Variants in PARD3 observed in about 807,000 individuals in gnomAD.
PARD3 encodes par-3 family cell polarity regulator, also known as partitioning defective 3 homolog.
PARD3 carries 75 observed loss-of-function variants against 155.4 expected under a neutral mutation model. The observed-to-expected ratio is 0.48, with a 90% CI of 0.40 to 0.58. The LOEUF (loss-of-function observed/expected upper bound fraction) is 0.58, where lower values mean the gene tolerates loss of function less well. PARD3 is among the 20% of genes least tolerant of loss of function. The probability of loss-of-function intolerance (pLI) is 0.00; values close to 1 mark genes in which losing one functional copy is unlikely to be tolerated. For synonymous variants in PARD3, 576 were observed against 610.5 expected (o/e 0.94, Z 0.83); for missense variants, 1,642 against 1,721.7 (o/e 0.95, Z 0.82).
chr10:34,613,861 T>A (rs1182048075), intron 2 of PARD3, among the ~76,000 whole-genome samples: 2 of 152,226 alleles, frequency 1.3e-5, no homozygotes, highest in Admixed American at 6.5e-5. Context: ...ATTTTTAAAC[T>A]TGCTTTTTAA....
intron 12 of PARD3, among the ~76,000 whole-genome samples, chr10:34,367,355 C>A (rs1474977275): frequency 6.6e-6 from 1 of 152,152 alleles, no homozygotes; most frequent in African/African-American, 2.4e-5. Context: ...ATTGGGACAA[C>A]TGATAATACA....
intron 22 of PARD3, among the ~76,000 whole-genome samples, chr10:34,236,365 G>C (rs548656681): frequency 6.6e-6 from 1 of 152,082 alleles, no homozygotes; most frequent in African/African-American, 2.4e-5. Context: ...AGGGCTGCCT[G>C]ACCGGGACTA....
intron 1 of PARD3, among the ~76,000 whole-genome samples, chr10:34,726,796 G>T (rs2094722446): frequency 6.6e-6 from 1 of 151,522 alleles, no homozygotes; most frequent in African/African-American, 2.4e-5. Flanking sequence ...GGGAGCGGGG[G>T]TCTTTTCTGT....
intron 2 of PARD3, among the ~76,000 whole-genome samples, chr10:34,532,759 T>C (rs1439707865): frequency 6.6e-6 from 1 of 152,172 alleles, no homozygotes; most frequent in East Asian, 1.9e-4. Flanking sequence ...ATTAGCAGAG[T>C]GTGAATTTCT....
chr10:34,244,721 T>C (rs1259746140), intron 22 of PARD3, among the ~76,000 whole-genome samples: 1 of 152,208 alleles, frequency 6.6e-6, no homozygotes, highest in Admixed American at 6.5e-5. Flanking sequence ...TGAGTTCACA[T>C]GCTATATAAA....
intron 2 of PARD3, among the ~76,000 whole-genome samples, chr10:34,608,681 C>T (rs534468922): frequency 6.6e-6 from 1 of 151,714 alleles, no homozygotes; most frequent in East Asian, 2.0e-4. Context: ...ATTACAGGTG[C>T]CTGCCACCAC....
intron 20 of PARD3, among the ~76,000 whole-genome samples, chr10:34,298,440 CACT>C (rs1957008730): frequency 6.6e-6 from 1 of 152,186 alleles, no homozygotes. Context: ...TCCTGACACA[CACT>C]ACAACACGGA....
rs562956078 is a variant in PARD3 at position 34,541,884 on chromosome 10, G to C, written c.223-24725C>G. Reference sequence around the variant, plus strand: ...ATCTTTAACCCACATACGTTTTTTGGGTGGGAAGGTGGGACAGGGTCTCAC... The same window carrying C: ...ATCTTTAACCCACATACGTTTTTTGCGTGGGAAGGTGGGACAGGGTCTCAC... On this transcript the variant is annotated intron_variant, in intron 2 of 24. Coordinates refer to ENST00000374788, the MANE Select transcript of PARD3 (RefSeq NM_001184785.2). 6.7e-4 allele frequency among the ~76,000 whole-genome samples: 102 copies of C among 151,942 alleles called. No individual in the cohort carries two copies. The South Asian group carries it at 0.019, about 28-fold the overall frequency.
intron 1 of PARD3, among the ~76,000 whole-genome samples, chr10:34,803,669 G>A (rs1564635004): frequency 6.6e-6 from 1 of 151,946 alleles, no homozygotes; most frequent in Non-Finnish European, 1.5e-5. Flanking sequence ...CAGGTGTGGT[G>A]GCTGGAACCT....
At chr10:34,414,804 A>C (rs1845501432) in intron 5 of PARD3, among the ~76,000 whole-genome samples, 1 of 151,424 alleles carries the variant, frequency 6.6e-6, no homozygotes, top group South Asian at 2.1e-4. Context: ...CACATGTATA[A>C]GTATTATATA....
chr10:34,424,609 G>C (rs1262879633), intron 5 of PARD3, among the ~76,000 whole-genome samples: 1 of 152,054 alleles, frequency 6.6e-6, no homozygotes, highest in Non-Finnish European at 1.5e-5. Flanking sequence ...CTGTCTCCCG[G>C]GTTCAAGAGA....
At chr10:34,698,129 T>C (rs2133500810) in intron 1 of PARD3, among the ~76,000 whole-genome samples, 1 of 151,800 alleles carries the variant, frequency 6.6e-6, no homozygotes, top group South Asian at 2.1e-4. Flanking sequence ...GTTTCTAAAA[T>C]ACTTCCACAC....
chr10:34,510,395 C>A (rs1018654220), intron 3 of PARD3, among the ~76,000 whole-genome samples: 2 of 152,186 alleles, frequency 1.3e-5, no homozygotes, highest in African/African-American at 4.8e-5. Context: ...TAGCCTTCAC[C>A]TGTTCTCATT....
In PARD3 at chr10:34,624,326, C is replaced by T. The variant is rs1036936646; in HGVS notation, c.222+71992G>A. On this transcript the variant is annotated intron_variant, in intron 2 of 24. Coordinates refer to ENST00000374788, the MANE Select transcript of PARD3 (RefSeq NM_001184785.2). ...GCATGATGTTTTGACCCTCATCCCA[C>T]AGCTGTGAGGAAAGAACTTATTGAA... Among the ~76,000 whole-genome samples, 13 of 152,262 alleles carry T rather than the reference C, an allele frequency of 8.5e-5. No homozygotes were observed. In the East Asian group the frequency reaches 2.5e-3, roughly 29 times the overall value.
intron 2 of PARD3, among the ~76,000 whole-genome samples, chr10:34,634,334 T>C (rs2092390744): frequency 6.6e-6 from 1 of 152,148 alleles, no homozygotes; most frequent in African/African-American, 2.4e-5. Flanking sequence ...AAACCATTTG[T>C]GCGTGTGGGT....
In PARD3 at chr10:34,171,950, CAAAAAAAAAAAAAAA is replaced by C. The variant is rs71033303; in HGVS notation, c.3420-40382_3420-40368del. Among the ~76,000 whole-genome samples the C allele has an allele frequency of 1.0e-3, 49 of 47,254 alleles. No homozygotes were observed. The East Asian group carries it at 0.033, about 32-fold the overall frequency. 31.0% of individuals were successfully genotyped at this position (47,254 alleles called of 152,430 possible). The stretch of plus-strand genomic sequence containing the variant: ...GGGTGACAGAGATGAGACTCCATCT[CAAAAAAAAAAAAAAA>C]AAAAAAAAAAAAAAAAAAATTCAGA... On this transcript the variant is annotated intron_variant, in intron 22 of 24. Transcript: ENST00000374788.
chr10:34,239,858 GATA>G (rs1953472039), intron 22 of PARD3, among the ~76,000 whole-genome samples: 1 of 151,392 alleles, frequency 6.6e-6, no homozygotes, highest in Non-Finnish European at 1.5e-5. Flanking sequence ...ACCATCTTTT[GATA>G]ATATTATCTG....
intron 22 of PARD3, among the ~76,000 whole-genome samples, chr10:34,265,381 C>G (rs965915091): frequency 1.3e-5 from 2 of 152,112 alleles, no homozygotes; most frequent in African/African-American, 4.8e-5. Flanking sequence ...GTGGGGCTAC[C>G]AGATCCATAT....
chr10:34,515,393 T>G (rs1180666259), intron 3 of PARD3, among the ~76,000 whole-genome samples: 1 of 152,262 alleles, frequency 6.6e-6, no homozygotes, highest in African/African-American at 2.4e-5. Context: ...TTATAGGTTC[T>G]GTTCCACCCC....
Sources: gnomAD v4.1 joint callset for allele counts (sites outside exome capture counted in the v4.1 genomes callset) on GRCh38, gnomAD v4.1.1 for gene constraint, MANE v1.5 for transcripts, NCBI Gene and HGNC (gene_info 2026-07-23, HGNC 2026-07-21) for gene names.